BRD4: variants seen among roughly 807,000 people sequenced by gnomAD.
The protein encoded by BRD4 is bromodomain containing 4.
A neutral mutation model predicts 142.1 loss-of-function variants in BRD4; 16 were observed. That is an observed-to-expected ratio of 0.11 (90% CI 0.08 to 0.17). The LOEUF is 0.17. Ranked by LOEUF, BRD4 falls within the 10% of genes least tolerant of loss-of-function variation. The probability of loss-of-function intolerance (pLI) is 1.00; values close to 1 mark genes in which losing one functional copy is unlikely to be tolerated. For synonymous variants in BRD4, 833 were observed against 707.5 expected (o/e 1.18, Z -2.82); for missense variants, 1,424 against 1,810.9 (o/e 0.79, Z 3.88).
intron 1 of BRD4, among the ~76,000 whole-genome samples, chr19:15,309,358 C>CAA (rs1012996904): frequency 1.4e-5 from 2 of 140,992 alleles, no homozygotes; most frequent in African/African-American, 5.1e-5. Context: ...AAAAAAAAAC[C>CAA]AACAAACTGT....
At chr19:15,267,573 T>A (rs2145609843) in intron 3 of BRD4, 22 bp from the exon 4 acceptor site, 1 of 1,610,086 alleles carries the variant, frequency 6.2e-7, no homozygotes, top group Non-Finnish European at 8.5e-7. Flanking sequence ...GACACAGGGG[T>A]AGAGTCAGAG....
chr19:15,304,005 G>A (rs2047892998), intron 1 of BRD4, among the ~76,000 whole-genome samples: 2 of 152,160 alleles, frequency 1.3e-5, no homozygotes, highest in Non-Finnish European at 2.9e-5. Context: ...CACCAAGGTA[G>A]GATGAAAGAG....
chr19:15,309,606 T>A (rs184083877), intron 1 of BRD4, among the ~76,000 whole-genome samples: 12 of 152,250 alleles, frequency 7.9e-5, no homozygotes, highest in Admixed American at 7.2e-4. Flanking sequence ...ATAAAAAGTG[T>A]GTGTGGGCAC....
chr19:15,249,844 C>T (rs549290023), intron 11 of BRD4, among the ~76,000 whole-genome samples: 1 of 152,174 alleles, frequency 6.6e-6, no homozygotes, highest in East Asian at 1.9e-4. Flanking sequence ...GAGCAAACAG[C>T]CTCATCTCTG....
intron 1 of BRD4, among the ~76,000 whole-genome samples, chr19:15,273,912 T>TAA (rs1286866536): frequency 2.3e-4 from 35 of 152,252 alleles, no homozygotes; most frequent in African/African-American, 7.7e-4. Context: ...GAAGCAGCTT[T>TAA]ATGCCTAGCA....
chr19:15,277,789 C>A (rs1022721184), intron 1 of BRD4, among the ~76,000 whole-genome samples: 4 of 149,418 alleles, frequency 2.7e-5, no homozygotes, highest in African/African-American at 9.9e-5. Context: ...GACTCCGTCT[C>A]CAAAACAAAA....
At chr19:15,313,397 G>A (rs2047990365) in intron 1 of BRD4, among the ~76,000 whole-genome samples, 2 of 134,038 alleles carry the variant, frequency 1.5e-5, no homozygotes, top group Admixed American at 1.6e-4. Flanking sequence ...AAAAAAGGCC[G>A]AGCGGTGGCT....
At chr19:15,254,733 G>A (rs2047387115) in intron 10 of BRD4, among the ~76,000 whole-genome samples, 1 of 152,104 alleles carries the variant, frequency 6.6e-6, no homozygotes, top group Non-Finnish European at 1.5e-5. Context: ...TGTGCCCCAG[G>A]TAGGGGCCCA....
At chr19:15,283,728 C>G (rs11672005) in intron 1 of BRD4, among the ~76,000 whole-genome samples, 2,639 of 152,284 alleles carry the variant, frequency 0.017, 40 homozygotes, top group Non-Finnish European at 0.024. Flanking sequence ...CACTGGGAAG[C>G]CGCCCGGGTG....
intron 11 of BRD4, 126 bp from the exon 12 acceptor site, chr19:15,244,888 C>T (rs1031777383): frequency 1.4e-5 from 21 of 1,527,552 alleles, no homozygotes; most frequent in Non-Finnish European, 1.9e-5. Flanking sequence ...GAAAGGGCAG[C>T]CGAGTTCAAT....
intron 2 of BRD4, among the ~76,000 whole-genome samples, chr19:15,271,303 G>A (rs1226116410): frequency 6.6e-6 from 1 of 152,162 alleles, no homozygotes; most frequent in African/African-American, 2.4e-5. Context: ...TTCTTGAAAT[G>A]GTGGCTTCAC....
chr19:15,256,778 A>AT (rs376395653), intron 8 of BRD4, among the ~76,000 whole-genome samples, 186 bp downstream of exon 8: 4 of 152,286 alleles, frequency 2.6e-5, no homozygotes, highest in African/African-American at 7.2e-5. Flanking sequence ...CTCAACACAT[A>AT]TATCATACAT....
rs534861541 is a variant in BRD4, at chr19:15,277,745, G to C, written c.-34-4612C>G. Among the ~76,000 whole-genome samples the C allele has an allele frequency of 1.2e-4, 18 of 151,846 alleles. No individual in the cohort carries two copies. The South Asian group carries it at 3.8e-3, about 32-fold the overall frequency. On this transcript the variant is annotated intron_variant, in intron 1 of 19. Coordinates refer to ENST00000679869, the MANE Select transcript of BRD4 (RefSeq NM_001379291.1). ...GTGGAGGTTGCAGTGAGCAGAGATG[G>C]CGCCACTATACTCCAGCCTGGGCAA...
At chr19:15,258,602 T>TTTC (rs931423547) in intron 7 of BRD4, among the ~76,000 whole-genome samples, 8 of 152,096 alleles carry the variant, frequency 5.3e-5, no homozygotes, top group South Asian at 2.1e-4. Flanking sequence ...TTTTTCTTTC[T>TTTC]TTCTTCTTCT....
intron 11 of BRD4, among the ~76,000 whole-genome samples, chr19:15,246,230 T>A (rs1344631830): frequency 6.6e-6 from 1 of 152,002 alleles, no homozygotes; most frequent in African/African-American, 2.4e-5. Flanking sequence ...AAGGGAAAGC[T>A]TGAGTAGATT....
intron 2 of BRD4, among the ~76,000 whole-genome samples, chr19:15,269,722 AT>A (rs2047567873): frequency 6.6e-6 from 1 of 152,232 alleles, no homozygotes; most frequent in African/African-American, 2.4e-5. Context: ...GTTTAAAAAA[AT>A]AAAAATAAAA....
intron 1 of BRD4, among the ~76,000 whole-genome samples, chr19:15,284,135 A>C (rs2047724358): frequency 1.3e-5 from 2 of 152,152 alleles, no homozygotes; most frequent in South Asian, 4.1e-4. Context: ...TTGTGATTTT[A>C]AGAGAAAGAT....
intron 1 of BRD4, among the ~76,000 whole-genome samples, chr19:15,300,045 G>A (rs575708549): frequency 1.3e-5 from 2 of 152,128 alleles, no homozygotes; most frequent in Non-Finnish European, 2.9e-5. Flanking sequence ...AGGAGCTGGA[G>A]ACCAACTGGA....
chr19:15,270,640 G>A (rs773830911), intron 2 of BRD4, among the ~76,000 whole-genome samples: 3 of 152,208 alleles, frequency 2.0e-5, no homozygotes, highest in Non-Finnish European at 4.4e-5. Flanking sequence ...GGAACTGCCA[G>A]CCTGGATAGT....
Sources: gnomAD v4.1 joint callset for allele counts (sites outside exome capture counted in the v4.1 genomes callset) on GRCh38, gnomAD v4.1.1 for gene constraint, MANE v1.5 for transcripts, NCBI Gene and HGNC (gene_info 2026-07-23, HGNC 2026-07-21) for gene names.